The following MACF1 variants were observed in gnomAD, a reference collection of about 807,000 sequenced individuals.
MACF1 encodes the protein microtubule actin crosslinking factor 1.
MACF1 carries 193 observed loss-of-function variants against 854.8 expected under a neutral mutation model. The observed-to-expected ratio is 0.23, with a 90% CI of 0.20 to 0.25. MACF1 has a LOEUF of 0.25. Among genes scored for constraint, MACF1 ranks in the 10% least tolerant of loss-of-function variants. MACF1 has a pLI of 1.00. For synonymous variants in MACF1, 3,185 were observed against 3,226.7 expected (o/e 0.99, Z 0.44); for missense variants, 7,722 against 8,929.1 (o/e 0.86, Z 5.45).
At chr1:39,259,878 A>G (rs1317774435) in intron 6 of MACF1, among the ~76,000 whole-genome samples, 1 of 152,134 alleles carries the variant, frequency 6.6e-6, no homozygotes, top group African/African-American at 2.4e-5. Flanking sequence ...TCAGCCTCCC[A>G]AAGTGTTGGA....
At chr1:39,420,059 A>G (rs1446242274) in intron 58 of MACF1, among the ~76,000 whole-genome samples, 1 of 152,212 alleles carries the variant, frequency 6.6e-6, no homozygotes, top group East Asian at 1.9e-4. Context: ...TAGAGTAACC[A>G]CTGGCCATAT....
chr1:39,300,466 T>A, intron 22 of MACF1, 104 bp downstream of exon 22: 6 of 1,203,980 alleles, frequency 5.0e-6, no homozygotes, highest in East Asian at 2.8e-5. Flanking sequence ...ACAGCGTTTT[T>A]AAAATTAGAA....
intron 54 of MACF1, 150 bp downstream of exon 54, chr1:39,379,594 A>G (rs2148553778): frequency 2.4e-6 from 2 of 842,494 alleles, no homozygotes; most frequent in South Asian, 2.2e-5. Flanking sequence ...AATGATTAAT[A>G]TGCCTTAACT....
At chr1:39,164,238 G>C (rs1367956069) in intron 2 of MACF1, among the ~76,000 whole-genome samples, 1 of 152,082 alleles carries the variant, frequency 6.6e-6, no homozygotes, top group African/African-American at 2.4e-5. Context: ...TTTAAGGATG[G>C]ATTTCCACAA....
rs557775814 is a variant in MACF1 at position 39,433,030 on chromosome 1, A to G, written c.17458-18A>G. On this transcript the variant is annotated intron_variant, in intron 67 of 100. Coordinates refer to ENST00000564288, the MANE Select transcript of MACF1 (RefSeq NM_001394062.1). ...AAAAGGGTCTTTTTACTTCTTAACTACAGTTTACTTTTCAAAGGCTTTCTC... is the reference window on the plus strand; with the variant it reads ...AAAAGGGTCTTTTTACTTCTTAACTGCAGTTTACTTTTCAAAGGCTTTCTC... 4 of 1,494,314 alleles carry G rather than the reference A, an allele frequency of 2.7e-6. No individual in the cohort carries two copies. In the African/African-American group the frequency reaches 4.2e-5, roughly 16 times the overall value. 92.6% of individuals were successfully genotyped at this position (1,494,314 alleles called of 1,614,324 possible).
In MACF1 at chr1:39,435,641, T is replaced by C. The variant is rs141369169; in HGVS notation, c.17868T>C (p.Pro5956=). ...KIGPQLKELN[P]EEGEMVEEKY... ...GCCCACAACTAAAGGAATTAAACCC[T>C]GAGGAAGGGGAAATGGTGGAAGAAA... is the stretch of plus-strand genomic sequence containing the variant. The change falls in exon 70 of 101, where the codon CCT becomes CCC. Residue 5956 remains proline, a synonymous_variant. Coordinates refer to ENST00000564288, the MANE Select transcript of MACF1 (RefSeq NM_001394062.1). 4 of 1,613,978 alleles carry C rather than the reference T, an allele frequency of 2.5e-6. No individual in the cohort carries two copies. Among genetic ancestry groups the C allele is most frequent in the South Asian group, 1.1e-5 (1 of 91,084 alleles).
In MACF1 at chr1:39,091,845, C is replaced by T. The variant is rs61066920; in HGVS notation, c.220+7407C>T. On this transcript the variant is annotated intron_variant, in intron 2 of 93. Coordinates refer to the MACF1 transcript ENST00000361689. The stretch of plus-strand genomic sequence containing the variant: ...TGAATATCATTCATTCACTCATACA[C>T]TTGTTCATAGATTCATGAATGTGCT... Among the ~76,000 whole-genome samples, 248 of 152,278 alleles carry T rather than the reference C, an allele frequency of 1.6e-3. 1 individual carries two copies. Among genetic ancestry groups the T allele is most frequent in the African/African-American group, 5.0e-3 (207 of 41,544 alleles).
chr1:39,380,583 C>T (rs1299398715), intron 55 of MACF1, among the ~76,000 whole-genome samples: 3 of 152,234 alleles, frequency 2.0e-5, no homozygotes, highest in African/African-American at 7.2e-5. Context: ...CTTTCTTGGG[C>T]AAGTCAAACT....
At chr1:39,292,989 A>G (rs1571281797) in intron 17 of MACF1, 146 bp downstream of exon 17, 1 of 607,300 alleles carries the variant, frequency 1.6e-6, no homozygotes, top group Admixed American at 3.4e-5. Context: ...GCACTTATTC[A>G]TATCTATTAT....
At chr1:39,233,999 G>C (rs1644820604) in intron 2 of MACF1, among the ~76,000 whole-genome samples, 1 of 142,608 alleles carries the variant, frequency 7.0e-6, no homozygotes, top group Non-Finnish European at 1.5e-5. Context: ...CTCTTAACGA[G>C]CATGCTGCCT....
chr1:39,467,833 G>A (rs896025418), intron 95 of MACF1: 2 of 152,162 alleles, frequency 1.3e-5, no homozygotes, highest in African/African-American at 4.8e-5. Context: ...TTCTAAGCTT[G>A]TAATGATGCT....
rs765555296 is a variant in MACF1, at chr1:39,285,626, G to A, written c.1376G>A (p.Gly459Glu). The change falls in exon 14 of 101, where the codon GGA becomes GAA. Residue 459 changes from glycine (G) to glutamate (E), a missense_variant. By Grantham distance (98) the Gly-to-Glu change is moderately conservative. Transcript: ENST00000564288. Reference sequence around the variant, plus strand: ...CAGGATGCTGCTCACCTGGAATCAGGACAACCGGTACAATGTGAGTCAGAT... The same window carrying A: ...CAGGATGCTGCTCACCTGGAATCAGAACAACCGGTACAATGTGAGTCAGAT... ...LQADAAHLES[G>E]QPVQCESDVI... is the part of the protein sequence containing the mutation. 1 of 1,613,884 alleles carries A rather than the reference G, an allele frequency of 6.2e-7. No individual in the cohort carries two copies. The highest frequency in any genetic ancestry group is 8.5e-7 in the Non-Finnish European group (1 of 1,179,940).
chr1:39,296,844 A>AAAAG (rs1174409249), intron 20 of MACF1, among the ~76,000 whole-genome samples: 6 of 135,688 alleles, frequency 4.4e-5, no homozygotes, highest in East Asian at 2.1e-4. Context: ...GGAAGGAAGG[A>AAAAG]AAAGAAAGAA....
At chr1:39,448,467 T>C in intron 83 of MACF1, 127 bp from the exon 84 acceptor site, 1 of 743,600 alleles carries the variant, frequency 1.3e-6, no homozygotes, top group Non-Finnish European at 2.0e-6. Context: ...TGGTTAATTT[T>C]AGTTCAAAAA....
intron 2 of MACF1, among the ~76,000 whole-genome samples, chr1:39,101,356 C>A (rs1277219830): frequency 5.7e-3 from 732 of 128,340 alleles, no homozygotes; most frequent in Middle Eastern, 8.1e-3. Flanking sequence ...GACTCTGTCT[C>A]AAAAAAAAAA....
chr1:39,438,288 C>T (rs1644023984), intron 71 of MACF1, among the ~76,000 whole-genome samples: 3 of 152,188 alleles, frequency 2.0e-5, no homozygotes, highest in Non-Finnish European at 4.4e-5. Context: ...TAGAACATAG[C>T]TACCTTTTGT....
At position 39,434,469 on chromosome 1, in the gene MACF1, A is replaced by G. The variant is rs1439020710; in HGVS notation, c.17621A>G (p.Glu5874Gly). The change falls in exon 69 of 101, where the codon GAG becomes GGG. Residue 5874 changes from glutamate to glycine, a missense_variant. Coordinates refer to ENST00000564288, the MANE Select transcript of MACF1 (RefSeq NM_001394062.1). Reference sequence around the variant, plus strand: ...GAAGCCATTAGCCTACTCAATTCAGAGCGTTATGCCCGCCTAGAGCGGGCC... The same window carrying G: ...GAAGCCATTAGCCTACTCAATTCAGGGCGTTATGCCCGCCTAGAGCGGGCC... Reference protein sequence around the residue: ...QYEAISLLNSERYARLERAQV... With the variant: ...QYEAISLLNSGRYARLERAQV... 6 of 1,612,530 alleles carry G rather than the reference A, an allele frequency of 3.7e-6. No individual in the cohort carries two copies. Among genetic ancestry groups the G allele is most frequent in the Non-Finnish European group, 5.1e-6 (6 of 1,179,824 alleles).
intron 49 of MACF1, among the ~76,000 whole-genome samples, chr1:39,364,809 G>A (rs891519197): frequency 1.3e-5 from 2 of 152,012 alleles, no homozygotes; most frequent in Non-Finnish European, 1.5e-5. Context: ...TGGAATTTTT[G>A]TTCTACATAG....
chr1:39,187,960 C>T (rs868820869), intron 2 of MACF1, among the ~76,000 whole-genome samples: 37 of 85,684 alleles, frequency 4.3e-4, no homozygotes, highest in African/African-American at 1.3e-3. Context: ...TCCCTTCCCT[C>T]CCCTCCTCTC....
Sources: gnomAD v4.1 joint callset for allele counts (sites outside exome capture counted in the v4.1 genomes callset) on GRCh38, gnomAD v4.1.1 for gene constraint, MANE v1.5 for transcripts, NCBI Gene and HGNC (gene_info 2026-07-23, HGNC 2026-07-21) for gene names.